Variants in ST3GAL1 observed in about 807,000 individuals in gnomAD.
ST3GAL1 encodes ST3 beta-galactoside alpha-2,3-sialyltransferase 1.
Under a neutral mutation model 34.1 loss-of-function variants are expected in ST3GAL1, and 16 were observed. The observed-to-expected ratio is 0.47, with a 90% confidence interval of 0.32 to 0.71. ST3GAL1 has a LOEUF of 0.71. Among genes scored for constraint, ST3GAL1 ranks in the 30% least tolerant of loss-of-function variants. The pLI is 0.04. For synonymous variants in ST3GAL1, 191 were observed against 184.7 expected (o/e 1.03, Z -0.28); for missense variants, 353 against 447.4 (o/e 0.79, Z 1.90).
At chr8:133,554,949 G>A (rs370836338) in intron 1 of ST3GAL1, among the ~76,000 whole-genome samples, 2 of 151,876 alleles carry the variant, frequency 1.3e-5, no homozygotes, top group Admixed American at 6.6e-5. Flanking sequence ...GGATGGTCTC[G>A]AGCTCCTGAC....
rs116896926 is a variant in ST3GAL1 at position 133,523,840 on chromosome 8, T to C, written c.-429+21934A>G. ...GTATTTTTTCACCCACTGGATGTTG[T>C]GACACGCTTTAGCCAATGGAATGTG... On this transcript the variant is annotated intron_variant, in intron 2 of 9. Transcript: ENST00000522652. 6.4e-3 allele frequency among the ~76,000 whole-genome samples: 977 copies of C among 152,348 alleles called. 5 individuals carry two copies. The highest frequency in any genetic ancestry group is 7.4e-3 in the Non-Finnish European group (506 of 68,034).
chr8:133,501,250 A>G (rs1365822285), intron 2 of ST3GAL1, among the ~76,000 whole-genome samples: 2 of 152,166 alleles, frequency 1.3e-5, no homozygotes, highest in Non-Finnish European at 2.9e-5. Flanking sequence ...TGGCTACTCA[A>G]GAGCAGGAAA....
rs189904207 is a variant in ST3GAL1 at position 133,524,660 on chromosome 8, G to A, written c.-429+21114C>T. ...CCAGCCACTGTGCACAGCCAGGTAC[G>A]CTGGTTGCTGCGACAGGATGGACAG... On this transcript the variant is annotated intron_variant, in intron 2 of 9. Transcript: ENST00000522652. 4.3e-4 allele frequency among the ~76,000 whole-genome samples: 65 copies of A among 152,390 alleles called. 1 individual carries two copies. The highest frequency in any genetic ancestry group is 9.8e-4 in the Admixed American group (15 of 15,308).
At position 133,469,099 on chromosome 8, in the gene ST3GAL1, T is replaced by C. The variant is rs943462419; in HGVS notation, c.307-3009A>G. Reference sequence around the variant, plus strand: ...AGAAGCCAGGACTCAAGCTCGGCCATGGACGTGTGTGGAGAGTATGCTGCC... The same window carrying C: ...AGAAGCCAGGACTCAAGCTCGGCCACGGACGTGTGTGGAGAGTATGCTGCC... On this transcript the variant is annotated intron_variant, in intron 5 of 9. Coordinates refer to ENST00000522652, the MANE Select transcript of ST3GAL1 (RefSeq NM_173344.3). This position sits in a 1 kb window ranked among gnomAD's most constrained non-coding sequence, Gnocchi z 4.3. Among the ~76,000 whole-genome samples the C allele has an allele frequency of 1.3e-5, 2 of 152,184 alleles. No individual in the cohort carries two copies. Among genetic ancestry groups the C allele is most frequent in the Non-Finnish European group, 2.9e-5 (2 of 68,014 alleles).
chr8:133,554,694 A>G (rs1303313703), intron 1 of ST3GAL1, among the ~76,000 whole-genome samples: 1 of 150,410 alleles, frequency 6.6e-6, no homozygotes, highest in Non-Finnish European at 1.5e-5. Flanking sequence ...TGGTCCAGCC[A>G]TCTACTTGGG....
intron 5 of ST3GAL1, among the ~76,000 whole-genome samples, chr8:133,471,459 GCTGATAAC>G (rs1384769793): frequency 6.6e-6 from 1 of 152,210 alleles, no homozygotes; most frequent in East Asian, 1.9e-4. Context: ...AGGACCCTGT[GCTGATAAC>G]CTGATAGGCA....
chr8:133,485,521 C>T (rs893470692), intron 3 of ST3GAL1, among the ~76,000 whole-genome samples: 1 of 152,224 alleles, frequency 6.6e-6, no homozygotes, highest in Non-Finnish European at 1.5e-5. Context: ...CGAATCAAAT[C>T]CTCACGCTTC....
chr8:133,480,902 G>C (rs1203598010), intron 3 of ST3GAL1, among the ~76,000 whole-genome samples: 1 of 152,120 alleles, frequency 6.6e-6, no homozygotes, highest in East Asian at 1.9e-4. Context: ...TATGAATTCA[G>C]TTCTTCATTT....
At position 133,540,946 on chromosome 8, in the gene ST3GAL1, T is replaced by TATATAGAC. The variant is rs1563734286; in HGVS notation, c.-429+4827_-429+4828insGTCTATAT. The stretch of plus-strand genomic sequence containing the variant: ...ATATATATATAGACATATATAGACA[T>TATATAGAC]ATATATAGACATATATATAGACATA... On this transcript the variant is annotated intron_variant, in intron 2 of 9. Coordinates refer to ENST00000522652, the MANE Select transcript of ST3GAL1 (RefSeq NM_173344.3). 3.6e-5 allele frequency among the ~76,000 whole-genome samples: 3 copies of TATATAGAC among 83,526 alleles called. No individual in the cohort carries two copies. The East Asian group carries it at 1.4e-3, about 40-fold the overall frequency. The allele number at this position is 83,526 out of a possible 152,430, so 54.8% of individuals were successfully genotyped here.
At chr8:133,522,120 C>A (rs1817829285) in intron 2 of ST3GAL1, among the ~76,000 whole-genome samples, 1 of 152,120 alleles carries the variant, frequency 6.6e-6, no homozygotes, top group Non-Finnish European at 1.5e-5. Context: ...GACGTGAGCA[C>A]TCCCAAGAGC....
In ST3GAL1 at chr8:133,540,842, C is replaced by CATATATATATAGACAT. The variant is rs762925590; in HGVS notation, c.-429+4931_-429+4932insATGTCTATATATATAT. ...ATATATAGACATATATATAGAGAGA[C>CATATATATATAGACAT]ATATATATAGAGACATATATATAGA... On this transcript the variant is annotated intron_variant, in intron 2 of 9. Coordinates refer to ENST00000522652, the MANE Select transcript of ST3GAL1 (RefSeq NM_173344.3). Among the ~76,000 whole-genome samples, 410 of 78,422 alleles carry CATATATATATAGACAT rather than the reference C, an allele frequency of 5.2e-3. 21 individuals carry two copies. Among genetic ancestry groups the CATATATATATAGACAT allele is most frequent in the Non-Finnish European group, 7.1e-3 (264 of 37,332 alleles). The allele number at this position is 78,422 out of a possible 152,430, so 51.4% of individuals were successfully genotyped here.
At chr8:133,554,927 C>T (rs1222752308) in intron 1 of ST3GAL1, among the ~76,000 whole-genome samples, 1 of 151,990 alleles carries the variant, frequency 6.6e-6, no homozygotes, top group African/African-American at 2.4e-5. Context: ...TGGGGTTTCA[C>T]CATGTTGGCC....
At chr8:133,522,432 A>G (rs2978008) in intron 2 of ST3GAL1, among the ~76,000 whole-genome samples, 96,720 of 151,904 alleles carry the variant, frequency 0.64, 31,276 homozygotes, top group Middle Eastern at 0.73. Context: ...CCCCTCTGGA[A>G]ATGTGTTGCA....
At chr8:133,567,132 G>T (rs370625282) in intron 1 of ST3GAL1, 2 of 152,208 alleles carry the variant, frequency 1.3e-5, no homozygotes, top group East Asian at 3.9e-4. Context: ...CCCTTCTGTG[G>T]GTCTCTCAAG....
At chr8:133,538,788 T>C (rs1818381702) in intron 2 of ST3GAL1, among the ~76,000 whole-genome samples, 1 of 152,200 alleles carries the variant, frequency 6.6e-6, no homozygotes, top group African/African-American at 2.4e-5. Context: ...AATCTTGACA[T>C]TGCAGGTATT....
At chr8:133,470,367 C>T (rs1468437334) in intron 5 of ST3GAL1, among the ~76,000 whole-genome samples, 2 of 151,012 alleles carry the variant, frequency 1.3e-5, no homozygotes, top group Admixed American at 6.6e-5. Context: ...TGTGGTGAGC[C>T]GAGATCACGC....
intron 1 of ST3GAL1, among the ~76,000 whole-genome samples, chr8:133,567,562 T>C (rs1819440435): frequency 6.6e-6 from 1 of 152,196 alleles, no homozygotes; most frequent in Admixed American, 6.5e-5. Flanking sequence ...GGGTTCCTTC[T>C]GCAATATGTA....
At chr8:133,513,908 AAAAAG>A (rs1220245689) in intron 2 of ST3GAL1, among the ~76,000 whole-genome samples, 1 of 152,016 alleles carries the variant, frequency 6.6e-6, no homozygotes, top group Non-Finnish European at 1.5e-5. Flanking sequence ...GGAAAAAAAA[AAAAAG>A]AAAAGAAAAA....
rs1445308744 is a variant in ST3GAL1 at position 133,456,649 on chromosome 8, A to G, written c.*3115T>C. On this transcript the variant is annotated 3_prime_UTR_variant, in exon 10 of 10. Coordinates refer to ENST00000522652, the MANE Select transcript of ST3GAL1 (RefSeq NM_173344.3). ...TGGTGCATTTAATTCTGGCTGCAAC[A>G]ACTGGATTCTGTTAAGTGCCCATTG... 2 of 152,274 alleles carry G rather than the reference A, an allele frequency of 1.3e-5. No individual in the cohort carries two copies. Among genetic ancestry groups the G allele is most frequent in the Non-Finnish European group, 2.9e-5 (2 of 68,058 alleles). 9.4% of individuals were successfully genotyped at this position (152,274 alleles called of 1,614,324 possible). A position where few individuals can be genotyped will look rare whatever the true frequency, so the allele number is the denominator to read the frequency against.
Sources: gnomAD v4.1 joint callset for allele counts (sites outside exome capture counted in the v4.1 genomes callset) on GRCh38, gnomAD v4.1.1 for gene constraint, Gnocchi (gnomAD v3.1) non-coding constraint, MANE v1.5 for transcripts, NCBI Gene and HGNC (gene_info 2026-07-23, HGNC 2026-07-21) for gene names.